RAPGEF4: variants seen among roughly 807,000 people sequenced by gnomAD.
The protein encoded by RAPGEF4 is RAP guanine-nucleotide-exchange factor (GEF) 4.
In RAPGEF4, 66 loss-of-function variants were observed where a neutral mutation model predicts 147.9. The ratio of observed to expected loss-of-function variants is 0.45; its 90% CI spans 0.37 to 0.55. The LOEUF is 0.55. Among genes scored for constraint, RAPGEF4 ranks in the 20% least tolerant of loss-of-function variants. The pLI is 0.00. For synonymous variants in RAPGEF4, 419 were observed against 442.7 expected, an observed-to-expected ratio of 0.95 and a Z score of 0.67; for missense variants, 1,071 against 1,257.3, an observed-to-expected ratio of 0.85 and a Z score of 2.24.
At chr2:172,910,879 C>A (rs879596495) in intron 4 of RAPGEF4, among the ~76,000 whole-genome samples, 12 of 152,192 alleles carry the variant, frequency 7.9e-5, no homozygotes, top group Admixed American at 1.3e-4. Context: ...CTATTGGTTA[C>A]AACAGAATCA....
intron 1 of RAPGEF4, among the ~76,000 whole-genome samples, chr2:172,759,581 A>G (rs569289937): frequency 4.3e-4 from 66 of 152,358 alleles, no homozygotes; most frequent in Non-Finnish European, 7.3e-4. Context: ...TGATATTATC[A>G]ATAAAGCCAG....
chr2:172,946,896 G>A lies in RAPGEF4; in HGVS notation c.538-13864G>A, dbSNP rs116828864. Among the ~76,000 whole-genome samples the A allele has an allele frequency of 7.4e-3, 1,129 of 152,296 alleles. 21 individuals carry two copies. Among genetic ancestry groups the A allele is most frequent in the African/African-American group, 0.025 (1,048 of 41,562 alleles). On this transcript the variant is annotated intron_variant, in intron 6 of 30. Transcript: ENST00000397081. Reference sequence around the variant, plus strand: ...CACTGACAGGTGACAAGTGGGTAACGACTACCTATAAAACTGTATGCATTT... The same window carrying A: ...CACTGACAGGTGACAAGTGGGTAACAACTACCTATAAAACTGTATGCATTT...
intron 6 of RAPGEF4, among the ~76,000 whole-genome samples, chr2:172,936,470 C>T (rs911798299): frequency 1.3e-5 from 2 of 152,008 alleles, no homozygotes; most frequent in Non-Finnish European, 2.9e-5. Context: ...TTAGTTTACA[C>T]TGTATATATA....
In RAPGEF4 at chr2:173,052,720, T is replaced by C. The variant is rs983265063; in HGVS notation, c.*953T>C. On this transcript the variant is annotated 3_prime_UTR_variant, in exon 31 of 31. Transcript: ENST00000397081. Reference sequence around the variant, plus strand: ...ATGGAGTTATTTATTTGCTACATAATAGATACTGTGCCAAATAATTACTTT... The same window carrying C: ...ATGGAGTTATTTATTTGCTACATAACAGATACTGTGCCAAATAATTACTTT... 1.3e-5 allele frequency: 2 copies of C among 152,664 alleles called. No individual in the cohort carries two copies. Among genetic ancestry groups the C allele is most frequent in the Non-Finnish European group, 2.9e-5 (2 of 68,022 alleles). 9.5% of individuals were successfully genotyped at this position (152,664 alleles called of 1,614,324 possible). A position where few individuals can be genotyped will look rare whatever the true frequency, so the allele number is the denominator to read the frequency against.
chr2:172,746,904 C>T (rs1397503195), intron 1 of RAPGEF4, among the ~76,000 whole-genome samples: 7 of 152,106 alleles, frequency 4.6e-5, no homozygotes, highest in African/African-American at 1.7e-4. Context: ...TGAGCCACTG[C>T]GCCTGGCCAG....
At chr2:172,831,137 G>C (rs1462668043) in intron 4 of RAPGEF4, among the ~76,000 whole-genome samples, 1 of 151,854 alleles carries the variant, frequency 6.6e-6, no homozygotes, top group Admixed American at 6.6e-5. Flanking sequence ...ACCTACCAGA[G>C]TTTTCATTTA....
chr2:172,787,638 G>T (rs866158089), intron 1 of RAPGEF4, among the ~76,000 whole-genome samples: 3 of 67,236 alleles, frequency 4.5e-5, no homozygotes, highest in Non-Finnish European at 3.6e-5. Flanking sequence ...TTTATTTATT[G>T]AGACAGGGCT....
chr2:172,816,053 A>G (rs1188925970), intron 4 of RAPGEF4, among the ~76,000 whole-genome samples: 1 of 152,184 alleles, frequency 6.6e-6, no homozygotes, highest in Non-Finnish European at 1.5e-5. Flanking sequence ...TATTCAGCAT[A>G]TATCTCAAAA....
chr2:172,996,670 A>C (rs550476213), intron 16 of RAPGEF4, 116 bp downstream of exon 16: 1 of 701,304 alleles, frequency 1.4e-6, no homozygotes, highest in African/African-American at 1.9e-5. Context: ...GATTCTGTGT[A>C]TTGATATTTG....
intron 15 of RAPGEF4, among the ~76,000 whole-genome samples, chr2:172,995,261 G>A (rs1216781845): frequency 6.6e-6 from 1 of 151,246 alleles, no homozygotes; most frequent in Admixed American, 6.6e-5. Flanking sequence ...GTGTGTGTGT[G>A]TGTGTGTGTG....
chr2:172,897,533 G>C (rs1175745425), intron 4 of RAPGEF4, among the ~76,000 whole-genome samples: 4 of 151,912 alleles, frequency 2.6e-5, no homozygotes, highest in Non-Finnish European at 4.4e-5. Flanking sequence ...CAAGTAGCTA[G>C]GACTACAGGC....
At chr2:172,769,476 C>T (rs1697158102) in intron 1 of RAPGEF4, among the ~76,000 whole-genome samples, 1 of 152,130 alleles carries the variant, frequency 6.6e-6, no homozygotes, top group African/African-American at 2.4e-5. Context: ...CTGGGGTATG[C>T]ATCAATTTCC....
chr2:172,793,485 G>A (rs1686032143), intron 1 of RAPGEF4, among the ~76,000 whole-genome samples: 1 of 152,140 alleles, frequency 6.6e-6, no homozygotes, highest in South Asian at 2.1e-4. Context: ...AACTACAAAG[G>A]AGGCTAGTAC....
chr2:173,030,157 G>T lies in RAPGEF4; in HGVS notation c.2559-7G>T. 6.3e-7 allele frequency: 1 copy of T among 1,597,164 alleles called. No individual in the cohort carries two copies. Reference sequence around the variant, plus strand: ...TTTTACTCAAACACGCATCTCCTGTGTTTCAGCTGTAAGGAGTATAAAAAT... The same window carrying T: ...TTTTACTCAAACACGCATCTCCTGTTTTTCAGCTGTAAGGAGTATAAAAAT... On this transcript the variant is annotated splice_region_variant and splice_polypyrimidine_tract_variant and intron_variant, in intron 25 of 30. Coordinates refer to ENST00000397081, the MANE Select transcript of RAPGEF4 (RefSeq NM_007023.4).
chr2:172,786,420 C>A (rs1685205911), intron 1 of RAPGEF4, among the ~76,000 whole-genome samples: 1 of 152,002 alleles, frequency 6.6e-6, no homozygotes, highest in Non-Finnish European at 1.5e-5. Context: ...GATTAAGGTG[C>A]CTAATGTATA....
intron 4 of RAPGEF4, among the ~76,000 whole-genome samples, chr2:172,836,973 G>A (rs1691016062): frequency 6.6e-6 from 1 of 152,198 alleles, no homozygotes; most frequent in Non-Finnish European, 1.5e-5. Flanking sequence ...CTAGGTATGT[G>A]CTATAATGGC....
chr2:172,802,146 T>C (rs2149568899), intron 3 of RAPGEF4, among the ~76,000 whole-genome samples: 1 of 152,324 alleles, frequency 6.6e-6, no homozygotes, highest in Non-Finnish European at 1.5e-5. Context: ...TGGACAGTGA[T>C]GCTACTAATG....
chr2:172,747,293 A>G (rs1002397993), intron 1 of RAPGEF4, among the ~76,000 whole-genome samples: 1 of 152,206 alleles, frequency 6.6e-6, no homozygotes, highest in Non-Finnish European at 1.5e-5. Context: ...AATAATTGCC[A>G]CAATCAAGCT....
intron 4 of RAPGEF4, among the ~76,000 whole-genome samples, chr2:172,857,174 GCACA>G (rs34315927): frequency 0.23 from 34,373 of 149,998 alleles, 4,030 homozygotes; most frequent in Admixed American, 0.28. Context: ...GTGTGCGCGC[GCACA>G]CACACACACA....
Sources: gnomAD v4.1 joint callset for allele counts (sites outside exome capture counted in the v4.1 genomes callset) on GRCh38, gnomAD v4.1.1 for gene constraint, MANE v1.5 for transcripts, NCBI Gene and HGNC (gene_info 2026-07-23, HGNC 2026-07-21) for gene names.